ADNP: variants seen among roughly 807,000 people sequenced by gnomAD.
ADNP encodes the protein activity-dependent neuroprotector homeobox protein.
In ADNP, 4 loss-of-function variants were observed where a neutral mutation model predicts 84.9. The ratio of observed to expected loss-of-function variants is 0.05; its 90% CI spans 0.02 to 0.11. The LOEUF (loss-of-function observed/expected upper bound fraction) is 0.11. Among genes scored for constraint, ADNP ranks in the 10% least tolerant of loss-of-function variants. ADNP has a pLI of 1.00. For synonymous variants in ADNP, 554 were observed against 468.1 expected (o/e 1.18, Z -2.37); for missense variants, 1,132 against 1,326.0 (o/e 0.85, Z 2.27).
chr20:50,915,545 A>G (rs1012574954), intron 2 of ADNP, among the ~76,000 whole-genome samples: 4 of 152,166 alleles, frequency 2.6e-5, no homozygotes, highest in Non-Finnish European at 4.4e-5. Flanking sequence ...CCATTCTCCT[A>G]TAAGCTTGGG....
intron 2 of ADNP, chr20:50,909,727 G>A (rs1434599438): frequency 1.3e-5 from 2 of 152,272 alleles, no homozygotes; most frequent in Non-Finnish European, 2.9e-5. Context: ...ATTGATGGAA[G>A]ACAGAAAGTC....
At chr20:50,901,809 C>T (rs1175806623) in intron 5 of ADNP, among the ~76,000 whole-genome samples, 1 of 152,208 alleles carries the variant, frequency 6.6e-6, no homozygotes. Flanking sequence ...TTTGTTTCTT[C>T]TTACACCTCA....
intron 2 of ADNP, among the ~76,000 whole-genome samples, chr20:50,923,803 C>A (rs1984113980): frequency 1.3e-5 from 2 of 152,200 alleles, no homozygotes; most frequent in South Asian, 2.1e-4. Context: ...CAGATGTAAG[C>A]CACCGCACCC....
chr20:50,898,386 G>T (rs564089354), intron 5 of ADNP, among the ~76,000 whole-genome samples: 1 of 152,138 alleles, frequency 6.6e-6, no homozygotes, highest in Non-Finnish European at 1.5e-5. Context: ...TCATCATGGT[G>T]CTGAGAGGTA....
chr20:50,919,289 G>GTATATA (rs1359779030), intron 2 of ADNP, among the ~76,000 whole-genome samples: 50 of 64,690 alleles, frequency 7.7e-4, no homozygotes, highest in African/African-American at 2.6e-3. Flanking sequence ...ATATATTTAA[G>GTATATA]TGTATATATA....
At position 50,893,563 on chromosome 20, in the gene ADNP, T is replaced by C. The variant is rs1981043466; in HGVS notation, c.1151A>G (p.Gln384Arg). 6.2e-7 allele frequency: 1 copy of C among 1,613,944 alleles called. No homozygotes were observed. The highest frequency in any genetic ancestry group is 2.2e-5 in the East Asian group (1 of 44,896). ...NGRSYGLGSE[Q>R]RSQAPARYSL... The stretch of plus-strand genomic sequence containing the variant: ...GTATCTTGCTGGTGCCTGGGACCTC[T>C]GCTCTGACCCAAGCCCATAAGACCT... The change falls in exon 6 of 6, where the codon CAG (glutamine) becomes CGG (arginine). Residue 384 changes from glutamine to arginine, a missense_variant. By Grantham distance (43) the Gln-to-Arg change is conservative. Around this residue, in one of 10 missense-constraint regions of ADNP, gnomAD observed 239 missense variants for 213.2 expected, o/e 1.12. Coordinates refer to ENST00000621696, the MANE Select transcript of ADNP (RefSeq NM_001282531.3). This position sits in a 1 kb window ranked among gnomAD's most constrained non-coding sequence, Gnocchi z 4.4.
At chr20:50,895,133 G>C (rs563406134) in intron 5 of ADNP, among the ~76,000 whole-genome samples, 119 of 152,278 alleles carry the variant, frequency 7.8e-4, no homozygotes, top group Middle Eastern at 6.8e-3. Context: ...AATGAAGGAA[G>C]TTACTAAAGA....
At chr20:50,896,503 G>A (rs934909850) in intron 5 of ADNP, among the ~76,000 whole-genome samples, 3 of 152,102 alleles carry the variant, frequency 2.0e-5, no homozygotes, top group African/African-American at 7.2e-5. Flanking sequence ...AGGTTGCAGT[G>A]AGCTGAGATC....
chr20:50,924,183 C>T lies in ADNP; in HGVS notation c.-90+4468G>A, dbSNP rs115298342. The stretch of plus-strand genomic sequence containing the variant: ...AAAGTAACTGCTCAGGACAGACTGA[C>T]TGTCTTAAACTAAAAAACTGGGAAA... On this transcript the variant is annotated intron_variant, in intron 2 of 5. Coordinates refer to ENST00000621696, the MANE Select transcript of ADNP (RefSeq NM_001282531.3). Among the ~76,000 whole-genome samples, 198 of 152,294 alleles carry T rather than the reference C, an allele frequency of 1.3e-3. 1 individual carries two copies. The highest frequency in any genetic ancestry group is 4.7e-3 in the African/African-American group (194 of 41,562).
At chr20:50,899,403 G>A (rs1017393290) in intron 5 of ADNP, among the ~76,000 whole-genome samples, 1 of 151,958 alleles carries the variant, frequency 6.6e-6, no homozygotes, top group African/African-American at 2.4e-5. Context: ...TAGAGAGGGG[G>A]TTTCACCATG....
At chr20:50,906,699 C>G (rs1982504554) in intron 2 of ADNP, among the ~76,000 whole-genome samples, 1 of 152,200 alleles carries the variant, frequency 6.6e-6, no homozygotes, top group Admixed American at 6.5e-5. Context: ...TAAGATGAAG[C>G]ATCTCACTGC....
chr20:50,916,310 C>T (rs1414236107), intron 2 of ADNP, among the ~76,000 whole-genome samples: 1 of 152,178 alleles, frequency 6.6e-6, no homozygotes, highest in African/African-American at 2.4e-5. Flanking sequence ...AGAGGGCGCA[C>T]AAAATCCCAT....
chr20:50,895,366 A>G (rs777706699), intron 5 of ADNP, among the ~76,000 whole-genome samples: 1 of 152,204 alleles, frequency 6.6e-6, no homozygotes, highest in Non-Finnish European at 1.5e-5. Context: ...AATGGTAAAT[A>G]TTTGTATGTT....
intron 2 of ADNP, among the ~76,000 whole-genome samples, chr20:50,917,651 T>C (rs1983618194): frequency 6.6e-6 from 1 of 152,200 alleles, no homozygotes; most frequent in African/African-American, 2.4e-5. Context: ...AGGAGCCTGG[T>C]CTGTTCTCAA....
intron 2 of ADNP, among the ~76,000 whole-genome samples, chr20:50,920,177 T>C (rs1476375522): frequency 7.0e-6 from 1 of 143,586 alleles, no homozygotes; most frequent in African/African-American, 2.6e-5. Flanking sequence ...CTCAGGACGC[T>C]GAGGCAGAAA....
chr20:50,923,153 T>C (rs1324632604), intron 2 of ADNP, among the ~76,000 whole-genome samples: 3 of 152,202 alleles, frequency 2.0e-5, no homozygotes, highest in Non-Finnish European at 4.4e-5. Flanking sequence ...AACCAGTATG[T>C]ATCACAACAC....
chr20:50,918,208 A>G (rs1983661567), intron 2 of ADNP, among the ~76,000 whole-genome samples: 1 of 152,150 alleles, frequency 6.6e-6, no homozygotes, highest in South Asian at 2.1e-4. Context: ...AGGCAGCAGT[A>G]TTGATTAGGG....
In ADNP at chr20:50,890,294, C is replaced by T. The variant is rs1980551338; in HGVS notation, c.*1111G>A. The T allele has an allele frequency of 1.2e-5, 2 of 164,616 alleles. No individual in the cohort carries two copies. Among genetic ancestry groups the T allele is most frequent in the Non-Finnish European group, 2.6e-5 (2 of 76,456 alleles). The allele number at this position is 164,616 out of a possible 1,614,324, so 10.2% of individuals were successfully genotyped here. A position where few individuals can be genotyped will look rare whatever the true frequency, so the allele number is the denominator to read the frequency against. On this transcript the variant is annotated 3_prime_UTR_variant, in exon 6 of 6. Transcript: ENST00000621696. ...ATGAAAGAGTTATGGCATTAAATGG[C>T]AAAAGATATAATGGACACACAGGAC...
At chr20:50,897,160 T>C (rs866963519) in intron 5 of ADNP, among the ~76,000 whole-genome samples, 27 of 152,030 alleles carry the variant, frequency 1.8e-4, no homozygotes, top group South Asian at 2.1e-4. Flanking sequence ...AGGCTGGTCT[T>C]GAACTCCTGA....
Sources: allele counts gnomAD v4.1 joint callset (sites outside exome capture counted in the v4.1 genomes callset), GRCh38; gene constraint gnomAD v4.1.1; regional missense constraint gnomAD v4.1.1; non-coding constraint Gnocchi (gnomAD v3.1); transcripts MANE v1.5; gene names NCBI Gene and HGNC (gene_info 2026-07-23, HGNC 2026-07-21).